Variants in RAB38 observed in about 807,000 individuals in gnomAD.
The protein encoded by RAB38 is RAB38, member RAS oncogene family.
Under a neutral mutation model 18.4 loss-of-function variants are expected in RAB38, and 15 were observed. The ratio of observed to expected loss-of-function variants is 0.82; its 90% CI spans 0.55 to 1.26. The LOEUF (loss-of-function observed/expected upper bound fraction) is 1.26, where lower values mean the gene tolerates loss of function less well. Among genes scored for constraint, RAB38 ranks in the 50% most tolerant of loss-of-function variants. The pLI is 0.00. For synonymous variants in RAB38, 101 were observed against 104.4 expected, an observed-to-expected ratio of 0.97 and a Z score of 0.20; for missense variants, 294 against 267.4, an observed-to-expected ratio of 1.10 and a Z score of -0.69.
At chr11:87,959,487 G>C in the RAB38 span, among the ~76,000 whole-genome samples, 10 of 152,244 alleles carry the variant, frequency 6.6e-5, no homozygotes, top group East Asian at 1.7e-3. Context: ...AGCATTTGTG[G>C]AATAATTCCT....
At chr11:88,056,722 T>C in the RAB38 span, among the ~76,000 whole-genome samples, 1 of 151,872 alleles carries the variant, frequency 6.6e-6, no homozygotes, top group Non-Finnish European at 1.5e-5. Context: ...GAGAATGGCG[T>C]GAACATGGAA....
At chr11:87,805,046 T>A in the RAB38 span, among the ~76,000 whole-genome samples, 1 of 152,190 alleles carries the variant, frequency 6.6e-6, no homozygotes, top group South Asian at 2.1e-4. Context: ...TGGAACTTAA[T>A]GCCAACATTT....
the RAB38 span, among the ~76,000 whole-genome samples, chr11:87,920,309 T>A: frequency 3.3e-5 from 5 of 151,968 alleles, no homozygotes; most frequent in African/African-American, 1.2e-4. Context: ...ACTGTTATTT[T>A]TATGCATCCC....
At chr11:88,124,606 C>T (rs1942670684) in intron 2 of RAB38, among the ~76,000 whole-genome samples, 1 of 152,176 alleles carries the variant, frequency 6.6e-6, no homozygotes, top group Non-Finnish European at 1.5e-5. Flanking sequence ...CGACCCAACC[C>T]TCACAAATTC....
At chr11:87,895,449 AAAG>A in the RAB38 span, among the ~76,000 whole-genome samples, 3 of 151,626 alleles carry the variant, frequency 2.0e-5, no homozygotes, top group African/African-American at 7.2e-5. Flanking sequence ...GCAAGAGAAG[AAAG>A]AATAGCAGAG....
At chr11:87,967,214 C>T in the RAB38 span, among the ~76,000 whole-genome samples, 1 of 152,132 alleles carries the variant, frequency 6.6e-6, no homozygotes, top group East Asian at 1.9e-4. Context: ...ATTTGCAGCA[C>T]TTCTAGCTTG....
the RAB38 span, among the ~76,000 whole-genome samples, chr11:87,861,859 C>G: frequency 6.6e-6 from 1 of 151,688 alleles, no homozygotes; most frequent in Non-Finnish European, 1.5e-5. Flanking sequence ...TAATAACGTA[C>G]AACAGACTGC....
chr11:87,922,552 A>G, the RAB38 span, among the ~76,000 whole-genome samples: 2 of 144,650 alleles, frequency 1.4e-5, no homozygotes, highest in East Asian at 4.3e-4. Context: ...TCCAAGCCTC[A>G]TTTTTCTCAC....
At chr11:87,921,359 A>T in the RAB38 span, among the ~76,000 whole-genome samples, 2 of 151,842 alleles carry the variant, frequency 1.3e-5, no homozygotes, top group Non-Finnish European at 2.9e-5. Context: ...CAGCCAATAC[A>T]CTACAGTGTA....
At chr11:87,818,869 C>T in the RAB38 span, among the ~76,000 whole-genome samples, 1 of 152,036 alleles carries the variant, frequency 6.6e-6, no homozygotes, top group Admixed American at 6.6e-5. Context: ...AACTCCAGAC[C>T]CATCAAGAAT....
chr11:88,106,501 T>C, the RAB38 span, among the ~76,000 whole-genome samples: 1 of 152,216 alleles, frequency 6.6e-6, no homozygotes, highest in Non-Finnish European at 1.5e-5. Flanking sequence ...AATTTTGTTC[T>C]AATATAAAGC....
chr11:87,950,087 A>C, the RAB38 span, among the ~76,000 whole-genome samples: 1 of 152,162 alleles, frequency 6.6e-6, no homozygotes, highest in African/African-American at 2.4e-5. Flanking sequence ...TATTGGGTGC[A>C]TATATATTTA....
chr11:88,161,108 T>C (rs1283902292), intron 1 of RAB38, among the ~76,000 whole-genome samples: 2 of 152,054 alleles, frequency 1.3e-5, no homozygotes, highest in African/African-American at 4.8e-5. Context: ...CCAAGAAAAA[T>C]ACACCTTCAT....
the RAB38 span, among the ~76,000 whole-genome samples, chr11:87,846,436 G>T: frequency 6.6e-6 from 1 of 152,006 alleles, no homozygotes; most frequent in East Asian, 1.9e-4. Context: ...GCATAAGAAG[G>T]CTATTAGTGG....
At chr11:88,036,260 A>G in the RAB38 span, among the ~76,000 whole-genome samples, 1 of 152,202 alleles carries the variant, frequency 6.6e-6, no homozygotes, top group Non-Finnish European at 1.5e-5. Context: ...AAAGACATAG[A>G]TTCAGTTATA....
chr11:87,832,245 T>C, the RAB38 span, among the ~76,000 whole-genome samples: 2 of 152,228 alleles, frequency 1.3e-5, no homozygotes, highest in South Asian at 2.1e-4. Context: ...GGAAGACTGA[T>C]ATTAATATGT....
chr11:87,964,580 G>T, the RAB38 span, among the ~76,000 whole-genome samples: 2 of 152,010 alleles, frequency 1.3e-5, no homozygotes, highest in Admixed American at 6.6e-5. Context: ...ATAAATAGAC[G>T]ATGGGAGAAG....
At chr11:87,826,371 T>G in the RAB38 span, among the ~76,000 whole-genome samples, 1 of 152,170 alleles carries the variant, frequency 6.6e-6, no homozygotes, top group Non-Finnish European at 1.5e-5. Flanking sequence ...AGAAAATATT[T>G]CATCATTAAT....
chr11:87,825,012 ATGTGTGTGTGTG>A, the RAB38 span, among the ~76,000 whole-genome samples: 1 of 151,082 alleles, frequency 6.6e-6, no homozygotes, highest in African/African-American at 2.4e-5. Flanking sequence ...GTGTGTGTGT[ATGTGTGTGTGTG>A]TGAGAGAGAG....
Sources: gnomAD v4.1 joint callset for allele counts (sites outside exome capture counted in the v4.1 genomes callset) on GRCh38, gnomAD v4.1.1 for gene constraint, MANE v1.5 for transcripts, NCBI Gene and HGNC (gene_info 2026-07-23, HGNC 2026-07-21) for gene names.